The following VAV3 variants were observed in gnomAD, a reference collection of about 807,000 sequenced individuals.
VAV3 encodes guanine nucleotide exchange factor VAV3.
In VAV3, 94 loss-of-function variants were observed where a neutral mutation model predicts 131.2. That is an observed-to-expected ratio of 0.72 (90% CI 0.61 to 0.85). The LOEUF (loss-of-function observed/expected upper bound fraction) is 0.85, where lower values mean the gene tolerates loss of function less well. Ranked by LOEUF, VAV3 falls within the 40% of genes least tolerant of loss-of-function variation. The pLI, the probability that VAV3 is intolerant of heterozygous loss-of-function variation, is 0.00. For synonymous variants in VAV3, 349 were observed against 342.0 expected (o/e 1.02, Z -0.22); for missense variants, 939 against 1,002.7 (o/e 0.94, Z 0.86).
chr1:107,710,818 TAAAG>T (rs1175064549), intron 15 of VAV3, among the ~76,000 whole-genome samples: 1 of 152,034 alleles, frequency 6.6e-6, no homozygotes, highest in African/African-American at 2.4e-5. Flanking sequence ...ATCACATTAA[TAAAG>T]AAACAAAAAA....
In VAV3 at chr1:107,897,997, C is replaced by T. The variant is rs569616736; in HGVS notation, c.205-22980G>A. 1.7e-3 allele frequency among the ~76,000 whole-genome samples: 263 copies of T among 151,946 alleles called. 1 individual carries two copies. The highest frequency in any genetic ancestry group is 2.0e-3 in the Non-Finnish European group (137 of 67,988). On this transcript the variant is annotated intron_variant, in intron 1 of 26. Transcript: ENST00000370056. ...AAAGTTTAAAATATGAGTATGAAAA[C>T]CCTTACCTAACTTGAAAACTATTAG...
chr1:107,942,016 C>T (rs1674017402), intron 1 of VAV3, among the ~76,000 whole-genome samples: 1 of 152,138 alleles, frequency 6.6e-6, no homozygotes, highest in Non-Finnish European at 1.5e-5. Context: ...TCTTTTCCTG[C>T]CTCCCCTTAG....
chr1:107,854,521 A>C (rs1229685605), intron 2 of VAV3, among the ~76,000 whole-genome samples: 1 of 152,218 alleles, frequency 6.6e-6, no homozygotes, highest in African/African-American at 2.4e-5. Context: ...TATATTAGAT[A>C]ACTTCATTCA....
chr1:107,911,125 TC>T (rs1672349913), intron 1 of VAV3, among the ~76,000 whole-genome samples: 1 of 152,198 alleles, frequency 6.6e-6, no homozygotes. Context: ...CCTCCCAACT[TC>T]TAATAGCACA....
chr1:107,855,974 C>T (rs553492005), intron 2 of VAV3, among the ~76,000 whole-genome samples: 129 of 152,282 alleles, frequency 8.5e-4, no homozygotes, highest in African/African-American at 3.0e-3. Flanking sequence ...ACCATTGGTG[C>T]CCAACAGTCT....
At chr1:107,920,553 C>T (rs1419622150) in intron 1 of VAV3, among the ~76,000 whole-genome samples, 1 of 152,102 alleles carries the variant, frequency 6.6e-6, no homozygotes, top group Non-Finnish European at 1.5e-5. Context: ...AATCTGTTTC[C>T]AAATCAGGAA....
chr1:107,616,573 C>T (rs1034265139), intron 21 of VAV3, among the ~76,000 whole-genome samples: 2 of 152,114 alleles, frequency 1.3e-5, no homozygotes, highest in African/African-American at 4.8e-5. Context: ...TGCACATGTA[C>T]CCCTAAACCT....
chr1:107,864,190 C>T, intron 2 of VAV3, among the ~76,000 whole-genome samples: 1 of 152,174 alleles, frequency 6.6e-6, no homozygotes, highest in East Asian at 1.9e-4. Flanking sequence ...CAATAAGTGG[C>T]ATTTTAGAAT....
At chr1:107,899,785 A>C (rs1158036847) in intron 1 of VAV3, among the ~76,000 whole-genome samples, 1 of 152,176 alleles carries the variant, frequency 6.6e-6, no homozygotes, top group Non-Finnish European at 1.5e-5. Flanking sequence ...AGCCAAACTA[A>C]TAATAACTGG....
At chr1:107,858,701 G>A (rs1052353772) in intron 2 of VAV3, among the ~76,000 whole-genome samples, 2 of 152,124 alleles carry the variant, frequency 1.3e-5, no homozygotes, top group South Asian at 2.1e-4. Context: ...CCCAGTACTC[G>A]GTCCATGGAA....
chr1:107,764,591 C>A (rs756331405), intron 9 of VAV3, among the ~76,000 whole-genome samples: 1 of 152,182 alleles, frequency 6.6e-6, no homozygotes, highest in African/African-American at 2.4e-5. Flanking sequence ...GCAACCATAG[C>A]TCACTGCAGC....
chr1:107,693,339 T>G lies in VAV3; in HGVS notation c.1706-4933A>C, dbSNP rs983072784. ...CCAACATTCAAATTTGTTTCCAAGT[T>G]GCATAGTTTGTCTTATTAACAAAAT... On this transcript the variant is annotated intron_variant, in intron 17 of 26. Transcript: ENST00000370056. 2.9e-4 allele frequency among the ~76,000 whole-genome samples: 44 copies of G among 152,194 alleles called. 1 individual carries two copies. The highest frequency in any genetic ancestry group is 1.5e-5 in the Non-Finnish European group (1 of 68,022).
At chr1:107,755,893 G>C (rs1664075208) in intron 11 of VAV3, among the ~76,000 whole-genome samples, 1 of 152,146 alleles carries the variant, frequency 6.6e-6, no homozygotes, top group Non-Finnish European at 1.5e-5. Flanking sequence ...GTTAGAAGAA[G>C]GGCAATCATG....
At chr1:107,779,545 TTC>T (rs779022870) in intron 2 of VAV3, 53 bp from the exon 3 acceptor site, 3 of 1,439,984 alleles carry the variant, frequency 2.1e-6, no homozygotes, top group Non-Finnish European at 2.8e-6. Flanking sequence ...AATATAAGAT[TTC>T]TTTTTCCAAA....
intron 15 of VAV3, among the ~76,000 whole-genome samples, chr1:107,736,854 C>T (rs1269085187): frequency 2.0e-5 from 3 of 152,170 alleles, no homozygotes; most frequent in Non-Finnish European, 2.9e-5. Context: ...GAAAAAACTA[C>T]TTTAAAGTTC....
chr1:107,630,532 G>GA (rs1159883509), intron 20 of VAV3, among the ~76,000 whole-genome samples: 1 of 152,148 alleles, frequency 6.6e-6, no homozygotes, highest in Non-Finnish European at 1.5e-5. Context: ...ATAGATGGCA[G>GA]AGTCAGTAAC....
At chr1:107,860,946 A>G (rs1253252895) in intron 2 of VAV3, among the ~76,000 whole-genome samples, 1 of 151,694 alleles carries the variant, frequency 6.6e-6, no homozygotes. Flanking sequence ...TGTCCTACAG[A>G]AGGTGTAGAA....
intron 20 of VAV3, among the ~76,000 whole-genome samples, chr1:107,632,104 A>C (rs1035277389): frequency 3.9e-5 from 6 of 152,172 alleles, no homozygotes; most frequent in African/African-American, 1.4e-4. Context: ...ACAGTGTAAA[A>C]GTGTAACACC....
chr1:107,743,634 A>G (rs1663153204), intron 15 of VAV3, among the ~76,000 whole-genome samples: 1 of 152,182 alleles, frequency 6.6e-6, no homozygotes, highest in African/African-American at 2.4e-5. Flanking sequence ...TGCACGATAA[A>G]TATTTGCAGA....
Sources: gnomAD v4.1 joint callset for allele counts (sites outside exome capture counted in the v4.1 genomes callset) on GRCh38, gnomAD v4.1.1 for gene constraint, MANE v1.5 for transcripts, NCBI Gene and HGNC (gene_info 2026-07-23, HGNC 2026-07-21) for gene names.